Variants in DUS2 observed in about 807,000 individuals in gnomAD.
The protein encoded by DUS2 is tRNA-dihydrouridine(20) synthase [NAD(P)+]-like.
DUS2 carries 52 observed loss-of-function variants against 71.3 expected under a neutral mutation model. The ratio of observed to expected loss-of-function variants is 0.73; its 90% confidence interval spans 0.58 to 0.92. The LOEUF (loss-of-function observed/expected upper bound fraction) is 0.92. Among genes scored for constraint, DUS2 ranks in the 40% least tolerant of loss-of-function variants. DUS2 has a pLI of 0.00. For missense variants in DUS2, 558 were observed against 622.6 expected, an observed-to-expected ratio of 0.90 and a Z score of 1.10; for synonymous variants, 204 against 227.8, an observed-to-expected ratio of 0.90 and a Z score of 0.94.
intron 3 of DUS2, among the ~76,000 whole-genome samples, chr16:68,043,138 A>G (rs1240787088): frequency 6.7e-6 from 1 of 149,964 alleles, no homozygotes; most frequent in Non-Finnish European, 1.5e-5. Flanking sequence ...GCTGGGCGTG[A>G]TGGCTCACAC....
chr16:68,046,813 C>T (rs1329438511), intron 3 of DUS2, among the ~76,000 whole-genome samples: 1 of 151,348 alleles, frequency 6.6e-6, no homozygotes, highest in Non-Finnish European at 1.5e-5. Flanking sequence ...GTGGCACCAT[C>T]TTGGCTCACT....
At chr16:68,026,758 C>G (rs1017480955) in intron 2 of DUS2, among the ~76,000 whole-genome samples, 1 of 151,936 alleles carries the variant, frequency 6.6e-6, no homozygotes, top group Non-Finnish European at 1.5e-5. Flanking sequence ...CACCTGTAAT[C>G]CCAGCTACTC....
chr16:68,035,308 A>G (rs927678691), intron 2 of DUS2, among the ~76,000 whole-genome samples: 4 of 152,064 alleles, frequency 2.6e-5, no homozygotes, highest in African/African-American at 9.7e-5. Context: ...TTCTCAGCGT[A>G]TCCTACAAGG....
At chr16:68,057,831 G>A (rs1318394179) in intron 7 of DUS2, among the ~76,000 whole-genome samples, 1 of 139,578 alleles carries the variant, frequency 7.2e-6, no homozygotes. Context: ...CAGTGAGCAA[G>A]ATCATGCCAC....
chr16:68,048,052 G>T (rs2033730043), intron 3 of DUS2, among the ~76,000 whole-genome samples: 1 of 152,202 alleles, frequency 6.6e-6, no homozygotes, highest in South Asian at 2.1e-4. Flanking sequence ...TAAAGTGTAG[G>T]GATTACAGAC....
rs1387553762 is a variant in DUS2, at chr16:68,024,168, C to G, written c.-99+817C>G. 5.3e-5 allele frequency among the ~76,000 whole-genome samples: 8 copies of G among 149,958 alleles called. No individual in the cohort carries two copies. In the East Asian group the frequency reaches 1.6e-3, roughly 29 times the overall value. On this transcript the variant is annotated intron_variant, in intron 1 of 16. Transcript: ENST00000565263. ...CTGGAGTGCAGTGGCGCAATCTCGG[C>G]TCACTGCAACCTCCACCTCCTGGGT...
chr16:68,073,575 G>A (rs1486561903), intron 12 of DUS2, among the ~76,000 whole-genome samples: 2 of 150,808 alleles, frequency 1.3e-5, no homozygotes, highest in Non-Finnish European at 2.9e-5. Flanking sequence ...TCAGCCTCCC[G>A]AGTAGCTGGG....
At chr16:68,069,816 CA>C (rs1339130370) in intron 10 of DUS2, among the ~76,000 whole-genome samples, 1 of 152,112 alleles carries the variant, frequency 6.6e-6, no homozygotes, top group Non-Finnish European at 1.5e-5. Flanking sequence ...CTGGCAGAGG[CA>C]AAAGGAAGCT....
rs1441183217 is a variant in DUS2, at chr16:68,079,207, A to T, written c.*221A>T. The T allele has an allele frequency of 4.6e-6, 2 of 434,586 alleles. No individual in the cohort carries two copies. The highest frequency in any genetic ancestry group is 8.1e-6 in the Non-Finnish European group (2 of 245,830). The allele number at this position is 434,586 out of a possible 1,614,324, so 26.9% of individuals were successfully genotyped here. On this transcript the variant is annotated 3_prime_UTR_variant, in exon 17 of 17. Transcript: ENST00000565263. ...GAGTGACAGGGTCAAGTTCTCTTTG[A>T]AAACAGGAGCTTTTCAGGTGGTAAC...
chr16:68,070,241 A>G, intron 11 of DUS2, 21 bp downstream of exon 11: 1 of 1,609,416 alleles, frequency 6.2e-7, no homozygotes, highest in East Asian at 2.2e-5. Flanking sequence ...TGTCTTCATC[A>G]TGTACTCTGT....
intron 12 of DUS2, among the ~76,000 whole-genome samples, chr16:68,072,018 C>G (rs1598319018): frequency 6.6e-6 from 1 of 152,354 alleles, no homozygotes; most frequent in Admixed American, 6.5e-5. Context: ...CAGGGAGAGA[C>G]AGTGAGTGGT....
In DUS2 at chr16:68,037,998, T is replaced by A; in HGVS notation, c.-18-8T>A. ...ATTTCTGACTCTTGTTTCCTCTTTT[T>A]TTTTCAGGCTGTAACAGAGGAGGAA... On this transcript the variant is annotated splice_polypyrimidine_tract_variant and splice_region_variant and intron_variant, in intron 2 of 16. Transcript: ENST00000565263. The A allele has an allele frequency of 6.2e-7, 1 of 1,601,668 alleles. No homozygotes were observed.
At chr16:68,059,738 C>G (rs552284685) in intron 7 of DUS2, among the ~76,000 whole-genome samples, 39 of 152,256 alleles carry the variant, frequency 2.6e-4, no homozygotes, top group Admixed American at 1.8e-3. Context: ...ATACTGGCAG[C>G]ATATATTTAT....
chr16:68,046,731 C>T (rs545716350), intron 3 of DUS2, among the ~76,000 whole-genome samples: 19 of 151,594 alleles, frequency 1.3e-4, no homozygotes, highest in East Asian at 1.9e-4. Flanking sequence ...TCAGAAGTAA[C>T]GTTTTCTCTC....
chr16:68,030,573 A>C (rs2033422298), intron 2 of DUS2, among the ~76,000 whole-genome samples: 1 of 152,048 alleles, frequency 6.6e-6, no homozygotes, highest in Admixed American at 6.6e-5. Context: ...CCTGGGTGAC[A>C]GAGTGAGACT....
chr16:68,059,474 A>C (rs1383528863), intron 7 of DUS2, among the ~76,000 whole-genome samples: 2 of 152,312 alleles, frequency 1.3e-5, no homozygotes, highest in Middle Eastern at 6.8e-3. Context: ...GGAAGGACAG[A>C]TGGAGCCAGG....
At chr16:68,039,069 AAAAG>A (rs2033581039) in intron 3 of DUS2, among the ~76,000 whole-genome samples, 1 of 151,962 alleles carries the variant, frequency 6.6e-6, no homozygotes, top group Admixed American at 6.6e-5. Flanking sequence ...GTACAAAAGA[AAAAG>A]AAAACCACTA....
chr16:68,074,364 G>A (rs2034129085), intron 13 of DUS2, among the ~76,000 whole-genome samples: 1 of 152,164 alleles, frequency 6.6e-6, no homozygotes, highest in Non-Finnish European at 1.5e-5. Flanking sequence ...GCAGAGCTCT[G>A]GGAACTAGGG....
At chr16:68,027,914 C>A (rs2033378786) in intron 2 of DUS2, among the ~76,000 whole-genome samples, 1 of 152,046 alleles carries the variant, frequency 6.6e-6, no homozygotes, top group Non-Finnish European at 1.5e-5. Flanking sequence ...GGCTGGGGAA[C>A]TAGAAATATT....
Sources: gnomAD v4.1 joint callset for allele counts (sites outside exome capture counted in the v4.1 genomes callset) on GRCh38, gnomAD v4.1.1 for gene constraint, MANE v1.5 for transcripts, NCBI Gene and HGNC (gene_info 2026-07-23, HGNC 2026-07-21) for gene names.